STAT1: variants seen among roughly 807,000 people sequenced by gnomAD.
STAT1 encodes the protein signal transducer and activator of transcription 1.
Under a neutral mutation model 111.7 loss-of-function variants are expected in STAT1, and 24 were observed. That is an observed-to-expected ratio of 0.21 (90% confidence interval 0.16 to 0.30). The LOEUF is 0.30. Among genes scored for constraint, STAT1 ranks in the 10% least tolerant of loss-of-function variants. STAT1 has a pLI of 1.00. For synonymous variants in STAT1, 332 were observed against 326.5 expected (o/e 1.02, Z -0.18); for missense variants, 351 against 911.9 (o/e 0.38, Z 7.92).
intron 10 of STAT1, 120 bp downstream of exon 10, chr2:190,994,927 AATATATATATATAT>A (rs1159903683): frequency 1.5e-5 from 2 of 135,140 alleles, no homozygotes; most frequent in South Asian, 1.6e-4. Flanking sequence ...AAAAAAAAAA[AATATATATATATAT>A]ATATATATAT....
chr2:191,001,236 C>G, intron 5 of STAT1, 73 bp from the exon 6 acceptor site: 1 of 1,145,874 alleles, frequency 8.7e-7, no homozygotes, highest in East Asian at 2.3e-5. Context: ...ACTCCAAAGT[C>G]AAGTCCCCAC....
intron 11 of STAT1, 88 bp downstream of exon 11, chr2:190,991,140 C>A: frequency 8.1e-7 from 1 of 1,229,572 alleles, no homozygotes; most frequent in Non-Finnish European, 1.2e-6. Context: ...TCCTCAAAAG[C>A]ACCCTATATA....
rs114958938 is a variant in STAT1 at position 190,984,673 on chromosome 2, G to C, written c.1264-280C>G. 2.6e-3 allele frequency among the ~76,000 whole-genome samples: 402 copies of C among 152,276 alleles called. 1 individual carries two copies. Among genetic ancestry groups the C allele is most frequent in the African/African-American group, 8.7e-3 (363 of 41,556 alleles). On this transcript the variant is annotated intron_variant, in intron 15 of 24. Transcript: ENST00000361099. The surrounding 1 kb of genome is among the most constrained non-coding windows in gnomAD (Gnocchi z 5.2). The stretch of plus-strand genomic sequence containing the variant: ...ATGGCTTTGTGACCTAAGGCTTCTC[G>C]ACCCTCAGCTCTGTCTGCCTGCCCA...
At position 190,987,939 on chromosome 2, in the gene STAT1, T is replaced by C. The variant is rs1692991127; in HGVS notation, c.1098-871A>G. ...TGACTTGTCAAAGCTAAGAAGACCGTCAGAGCTGGAACCGACAGAAAAGAC... is the reference window on the plus strand; with the variant it reads ...TGACTTGTCAAAGCTAAGAAGACCGCCAGAGCTGGAACCGACAGAAAAGAC... On this transcript the variant is annotated intron_variant, in intron 12 of 24. Coordinates refer to ENST00000361099, the MANE Select transcript of STAT1 (RefSeq NM_007315.4). The surrounding 1 kb of genome is among the most constrained non-coding windows in gnomAD (Gnocchi z 4.0). Among the ~76,000 whole-genome samples the C allele has an allele frequency of 6.6e-6, 1 of 152,170 alleles. No individual in the cohort carries two copies. Among genetic ancestry groups the C allele is most frequent in the Non-Finnish European group, 1.5e-5 (1 of 68,028 alleles).
rs752388739 is a variant in STAT1 at position 190,983,532 on chromosome 2, T to C, written c.1446+110A>G. ...AAGCCTTAGAAATACCACAGGAGCT[T>C]TGTCACTTCTCCCTTAACAACTGGC... is the stretch of plus-strand genomic sequence containing the variant. On this transcript the variant is annotated intron_variant, in intron 17 of 24. Coordinates refer to ENST00000361099, the MANE Select transcript of STAT1 (RefSeq NM_007315.4). The surrounding 1 kb of genome is among the most constrained non-coding windows in gnomAD (Gnocchi z 5.7). 14 of 925,802 alleles carry C rather than the reference T, an allele frequency of 1.5e-5. No homozygotes were observed. The highest frequency in any genetic ancestry group is 9.7e-5 in the African/African-American group (6 of 61,764). The allele number at this position is 925,802 out of a possible 1,614,324, so 57.3% of individuals were successfully genotyped here.
chr2:190,976,019 T>C lies in STAT1; in HGVS notation c.2060-132A>G. ...AGCCTCCTAAAACTTTAAGGAGCTA[T>C]AACCTCCCTGCCTGAGTCACCTAAA... is the stretch of plus-strand genomic sequence containing the variant. On this transcript the variant is annotated intron_variant, in intron 22 of 24. Transcript: ENST00000361099. This position sits in a 1 kb window ranked among gnomAD's most constrained non-coding sequence, Gnocchi z 6.0. The C allele has an allele frequency of 1.3e-6, 1 of 783,680 alleles. No homozygotes were observed. Among genetic ancestry groups the C allele is most frequent in the South Asian group, 1.5e-5 (1 of 66,810 alleles). 48.5% of individuals were successfully genotyped at this position (783,680 alleles called of 1,614,324 possible).
rs749529348 is a variant in STAT1, at chr2:190,975,395, G to C, written c.2135+417C>G. 1 of 523,648 alleles carries C rather than the reference G, an allele frequency of 1.9e-6. No homozygotes were observed. The allele number at this position is 523,648 out of a possible 1,614,324, so 32.4% of individuals were successfully genotyped here. On this transcript the variant is annotated intron_variant, in intron 23 of 24. Transcript: ENST00000361099. The surrounding 1 kb of genome is among the most constrained non-coding windows in gnomAD (Gnocchi z 5.9). ...CATTCACCCCAAGACAGTGCTGCAG[G>C]CCAAATAACTGACAATGACATTTCC...
Position 191,004,104 on chromosome 2 carries a change from C to T in STAT1, c.373-2941G>A, listed in dbSNP as rs544409056. 6.6e-6 allele frequency among the ~76,000 whole-genome samples: 1 copy of T among 152,290 alleles called. No individual in the cohort carries two copies. The highest frequency in any genetic ancestry group is 2.4e-5 in the African/African-American group (1 of 41,560). ...AGTAGTCCCTCCAAGTCACTCAAACCCTTGGTGCTCTCTTACCCCTTCCAC... is the reference window on the plus strand; with the variant it reads ...AGTAGTCCCTCCAAGTCACTCAAACTCTTGGTGCTCTCTTACCCCTTCCAC... On this transcript the variant is annotated intron_variant, in intron 5 of 24. Coordinates refer to ENST00000361099, the MANE Select transcript of STAT1 (RefSeq NM_007315.4). The surrounding 1 kb of genome is among the most constrained non-coding windows in gnomAD (Gnocchi z 5.0).
intron 4 of STAT1, chr2:191,008,125 G>C: frequency 2.5e-6 from 1 of 392,708 alleles, no homozygotes. Context: ...ACTACCAATA[G>C]CAATAATGGC....
At position 190,986,032 on chromosome 2, in the gene STAT1, C is replaced by G. The variant is rs948854071; in HGVS notation, c.1222-372G>C. Reference sequence around the variant, plus strand: ...TCCTCCAGGCTGGGCCCAGTGACTCCAGGTCCACCTGCCCTCAAGTGGACG... The same window carrying G: ...TCCTCCAGGCTGGGCCCAGTGACTCGAGGTCCACCTGCCCTCAAGTGGACG... On this transcript the variant is annotated intron_variant, in intron 14 of 24. Transcript: ENST00000361099. This position sits in a 1 kb window ranked among gnomAD's most constrained non-coding sequence, Gnocchi z 5.0. 2.0e-5 allele frequency among the ~76,000 whole-genome samples: 3 copies of G among 152,198 alleles called. No homozygotes were observed. The East Asian group carries it at 5.8e-4, about 29-fold the overall frequency.
Position 190,976,873 on chromosome 2 carries a change from C to T in STAT1, c.2026G>A (p.Ala676Thr). The change falls in exon 22 of 25, where the codon GCC (alanine) becomes ACC (threonine). Residue 676 changes from alanine to threonine, a missense_variant. Coordinates refer to ENST00000361099, the MANE Select transcript of STAT1 (RefSeq NM_007315.4). This position sits in a 1 kb window ranked among gnomAD's most constrained non-coding sequence, Gnocchi z 6.0. ...GGCCTGGAGTAATACTTTCCAAAGG[C>T]ATGGTCTTTGTCAATATTTGGATAC... ...YLYPNIDKDH[A>T]FGKYYSRPKE... The T allele has an allele frequency of 6.2e-7, 1 of 1,614,202 alleles. No individual in the cohort carries two copies. The highest frequency in any genetic ancestry group is 8.5e-7 in the Non-Finnish European group (1 of 1,180,028).
chr2:191,009,110 A>C lies in STAT1; in HGVS notation c.129-3T>G. 1 of 1,613,960 alleles carries C rather than the reference A, an allele frequency of 6.2e-7. No individual in the cohort carries two copies. The highest frequency in any genetic ancestry group is 1.1e-5 in the South Asian group (1 of 91,084). On this transcript the variant is annotated splice_region_variant and splice_polypyrimidine_tract_variant and intron_variant, in intron 3 of 24. Coordinates refer to ENST00000361099, the MANE Select transcript of STAT1 (RefSeq NM_007315.4). ...AAACATCATTGGCAGCGTGCTCCCT[A>C]GGAGATTTAACATTTACACATTTCA...
rs1031376922 is a variant in STAT1, at chr2:191,007,827, G to T, written c.274-166C>A. Among the ~76,000 whole-genome samples the T allele has an allele frequency of 6.6e-6, 1 of 152,026 alleles. No homozygotes were observed. Among genetic ancestry groups the T allele is most frequent in the Non-Finnish European group, 1.5e-5 (1 of 67,998 alleles). On this transcript the variant is annotated intron_variant, in intron 4 of 24. Transcript: ENST00000361099. The surrounding 1 kb of genome is among the most constrained non-coding windows in gnomAD (Gnocchi z 4.2). ...GTTAAAATCAAAATATTTCTTTCAC[G>T]AATTATGACAAAAATTGCTTTAACT...
In STAT1 at chr2:190,998,060, T is replaced by C. The variant is rs2066800; in HGVS notation, c.634-53A>G. 9.9e-3 allele frequency: 15,796 copies of C among 1,593,958 alleles called. 318 individuals are homozygous for C. Among genetic ancestry groups the C allele is most frequent in the East Asian group, 0.082 (3,593 of 43,560 alleles). ...AATAAATTCATTTTTAATCACTGAATTTTAAAATATTTTTTAAAAGAAAAG... is the reference window on the plus strand; with the variant it reads ...AATAAATTCATTTTTAATCACTGAACTTTAAAATATTTTTTAAAAGAAAAG... On this transcript the variant is annotated intron_variant, in intron 8 of 24. Transcript: ENST00000361099. This position sits in a 1 kb window ranked among gnomAD's most constrained non-coding sequence, Gnocchi z 4.1.
chr2:191,010,384 T>C (rs531511204), intron 2 of STAT1: 53 of 471,494 alleles, frequency 1.1e-4, no homozygotes, highest in African/African-American at 1.0e-3. Context: ...TTTATTTTCA[T>C]TATTGTCTGT....
Position 190,996,985 on chromosome 2 carries a change from G to A in STAT1, c.785+871C>T, listed in dbSNP as rs1429353031. On this transcript the variant is annotated intron_variant, in intron 9 of 24. Coordinates refer to ENST00000361099, the MANE Select transcript of STAT1 (RefSeq NM_007315.4). The surrounding 1 kb of genome is among the most constrained non-coding windows in gnomAD (Gnocchi z 4.5). ...CATCTCCTGCTTAAGAAAAAAGCCTGCCTTGGCTCAGCAGTACAGCTGCGT... is the reference window on the plus strand; with the variant it reads ...CATCTCCTGCTTAAGAAAAAAGCCTACCTTGGCTCAGCAGTACAGCTGCGT... 6.6e-6 allele frequency among the ~76,000 whole-genome samples: 1 copy of A among 152,202 alleles called. No individual in the cohort carries two copies. Among genetic ancestry groups the A allele is most frequent in the African/African-American group, 2.4e-5 (1 of 41,444 alleles).
At position 190,989,845 on chromosome 2, in the gene STAT1, T is replaced by C; in HGVS notation, c.1038-171A>G. On this transcript the variant is annotated intron_variant, in intron 11 of 24. Transcript: ENST00000361099. The surrounding 1 kb of genome is among the most constrained non-coding windows in gnomAD (Gnocchi z 5.0). ...TCTACTTAAATTTTTGTAAGTGTAT[T>C]TGTAAGAATAAATTCCTAGCTGTGG... Among the ~76,000 whole-genome samples, 1 of 152,160 alleles carries C rather than the reference T, an allele frequency of 6.6e-6. No individual in the cohort carries two copies. The highest frequency in any genetic ancestry group is 1.9e-4 in the East Asian group (1 of 5,198).
rs45521733 is a variant in STAT1, at chr2:190,987,103, T to C, written c.1098-35A>G. ...AAATATATATAATCACATATGCGTA[T>C]TTAAAATTTGAAATAAGCTTTAACA... On this transcript the variant is annotated intron_variant, in intron 12 of 24. Transcript: ENST00000361099. The surrounding 1 kb of genome is among the most constrained non-coding windows in gnomAD (Gnocchi z 4.0). 8 of 1,523,848 alleles carry C rather than the reference T, an allele frequency of 5.2e-6. No homozygotes were observed. In the Admixed American group the frequency reaches 1.0e-4, roughly 19 times the overall value. 94.4% of individuals were successfully genotyped at this position (1,523,848 alleles called of 1,614,324 possible). A position where few individuals can be genotyped will look rare whatever the true frequency, so the allele number is the denominator to read the frequency against.
In STAT1 at chr2:190,978,874, G is replaced by A. The variant is rs1425474734; in HGVS notation, c.1855C>T (p.Arg619Trp). ...CACTCACCGCCTCCGTTCTGGGACCGCTCCACCCATGTGAATGTGATGGCC... is the reference window on the plus strand; with the variant it reads ...CACTCACCGCCTCCGTTCTGGGACCACTCCACCCATGTGAATGTGATGGCC... ...EGAITFTWVE[R>W]SQNGGEPDFH... Residue 619 changes from arginine (R) to tryptophan (W), a missense_variant, in exon 21 of 25, where the codon CGG (arginine) becomes TGG (tryptophan). Transcript: ENST00000361099. The surrounding 1 kb of genome is among the most constrained non-coding windows in gnomAD (Gnocchi z 6.1). The A allele has an allele frequency of 6.2e-7, 1 of 1,614,076 alleles. No homozygotes were observed. Among genetic ancestry groups the A allele is most frequent in the Non-Finnish European group, 8.5e-7 (1 of 1,179,982 alleles).
Sources: allele counts gnomAD v4.1 joint callset (sites outside exome capture counted in the v4.1 genomes callset), GRCh38; gene constraint gnomAD v4.1.1; non-coding constraint Gnocchi (gnomAD v3.1); transcripts MANE v1.5; gene names NCBI Gene and HGNC (gene_info 2026-07-23, HGNC 2026-07-21).